The following GRAMD1C variants were observed in gnomAD, a reference collection of about 807,000 sequenced individuals.
GRAMD1C encodes the protein GRAM domain containing 1C, also known as protein Aster-C.
In GRAMD1C, 89 loss-of-function variants were observed where a neutral mutation model predicts 97.8. The observed-to-expected ratio is 0.91, with a 90% CI of 0.77 to 1.09. The LOEUF (loss-of-function observed/expected upper bound fraction) is 1.09. Ranked by LOEUF, GRAMD1C falls within the 50% of genes least tolerant of loss-of-function variation. GRAMD1C has a pLI of 0.00. For synonymous variants in GRAMD1C, 256 were observed against 267.0 expected (o/e 0.96, Z 0.40); for missense variants, 740 against 766.4 (o/e 0.97, Z 0.41).
intron 10 of GRAMD1C, among the ~76,000 whole-genome samples, chr3:113,920,433 C>CT (rs995345570): frequency 6.6e-6 from 1 of 152,134 alleles, no homozygotes; most frequent in Admixed American, 6.5e-5. Context: ...CTTAAACTGC[C>CT]TTTTTTGTTT....
Position 113,913,060 on chromosome 3 carries a change from A to G in GRAMD1C, c.953-2641A>G, listed in dbSNP as rs1017058921. On this transcript the variant is annotated intron_variant, in intron 9 of 17. Coordinates refer to ENST00000358160, the MANE Select transcript of GRAMD1C (RefSeq NM_017577.5). ...AGACTGCTTTATTAGTGTCCTTACC[A>G]TTCTTGCTTTAGTATGCAGCTGGGC... 55 of 1,165,322 alleles carry G rather than the reference A, an allele frequency of 4.7e-5. No homozygotes were observed. The Middle Eastern group carries it at 8.9e-4, about 19-fold the overall frequency. The allele number at this position is 1,165,322 out of a possible 1,614,324, so 72.2% of individuals were successfully genotyped here.
In GRAMD1C at chr3:113,933,942, C is replaced by T. The variant is rs150075846; in HGVS notation, c.1352+289C>T. 1.7e-4 allele frequency among the ~76,000 whole-genome samples: 26 copies of T among 152,214 alleles called. No homozygotes were observed. The East Asian group carries it at 3.9e-3, about 23-fold the overall frequency. ...CATTGACCAGAACCAGTCATGTGACCTTGTTTAATGGCAAAGGGGCTGGGA... is the reference window on the plus strand; with the variant it reads ...CATTGACCAGAACCAGTCATGTGACTTTGTTTAATGGCAAAGGGGCTGGGA... On this transcript the variant is annotated intron_variant, in intron 12 of 17. Coordinates refer to ENST00000358160, the MANE Select transcript of GRAMD1C (RefSeq NM_017577.5).
intron 3 of GRAMD1C, among the ~76,000 whole-genome samples, chr3:113,870,972 A>G (rs1350190325): frequency 9.1e-6 from 1 of 110,070 alleles, no homozygotes; most frequent in Non-Finnish European, 1.8e-5. Context: ...AAATAAATAA[A>G]AGACACACAC....
At chr3:113,880,986 C>T (rs1935236288) in intron 5 of GRAMD1C, among the ~76,000 whole-genome samples, 1 of 152,034 alleles carries the variant, frequency 6.6e-6, no homozygotes, top group African/African-American at 2.4e-5. Context: ...ATATTCACCC[C>T]TTTTATGTAC....
At chr3:113,930,024 T>A (rs533675104) in intron 10 of GRAMD1C, among the ~76,000 whole-genome samples, 4 of 152,196 alleles carry the variant, frequency 2.6e-5, no homozygotes, top group Non-Finnish European at 5.9e-5. Context: ...TTTGGCTTCA[T>A]GAAATGACCT....
At chr3:113,913,004 G>T in intron 9 of GRAMD1C, 1 of 479,372 alleles carries the variant, frequency 2.1e-6, no homozygotes, top group Non-Finnish European at 3.6e-6. Context: ...AATGTAGTGG[G>T]AGACATTTGG....
chr3:113,850,134 T>C, intron 2 of GRAMD1C: 1 of 396,152 alleles, frequency 2.5e-6, no homozygotes, highest in Non-Finnish European at 4.9e-6. Context: ...TTTTGTGCTT[T>C]GATAATTCAT....
intron 6 of GRAMD1C, chr3:113,885,720 G>A: frequency 3.2e-6 from 5 of 1,549,422 alleles, no homozygotes; most frequent in South Asian, 1.1e-5. Context: ...CTTTGCTGTG[G>A]CAGGTAAACT....
chr3:113,835,546 A>G (rs1410620321), upstream of GRAMD1C, among the ~76,000 whole-genome samples: 2 of 152,200 alleles, frequency 1.3e-5, no homozygotes, highest in Admixed American at 1.3e-4. Context: ...TGATTTTGCG[A>G]GGAGGATTCA....
chr3:113,889,061 G>A (rs756941005), intron 6 of GRAMD1C, among the ~76,000 whole-genome samples: 18 of 152,272 alleles, frequency 1.2e-4, no homozygotes, highest in Non-Finnish European at 2.6e-4. Context: ...TTAGCCGGGC[G>A]TGGTGGCACA....
chr3:113,863,051 A>G (rs57374351), intron 2 of GRAMD1C, among the ~76,000 whole-genome samples: 46,086 of 152,048 alleles, frequency 0.3, 7,987 homozygotes, highest in Non-Finnish European at 0.38. Flanking sequence ...ATTTAAACAG[A>G]GTTACTATAT....
intron 6 of GRAMD1C, among the ~76,000 whole-genome samples, chr3:113,883,729 G>A (rs72954607): frequency 0.021 from 3,235 of 152,178 alleles, 137 homozygotes; most frequent in African/African-American, 0.075. Context: ...TAGAGACAAG[G>A]AAGAATAAAG....
intron 14 of GRAMD1C, 152 bp from the exon 15 acceptor site, chr3:113,937,934 G>A: frequency 2.0e-6 from 1 of 511,684 alleles, no homozygotes; most frequent in Non-Finnish European, 3.4e-6. Flanking sequence ...GAACCTGGGA[G>A]GCAGAGGTTG....
intron 1 of GRAMD1C, among the ~76,000 whole-genome samples, chr3:113,832,288 A>C (rs1255722376): frequency 6.6e-6 from 1 of 152,092 alleles, no homozygotes; most frequent in African/African-American, 2.4e-5. Flanking sequence ...TCAGCCTCCC[A>C]AAGTGCTGGG....
Position 113,931,081 on chromosome 3 carries a change from A to G in GRAMD1C, c.1209+249A>G, listed in dbSNP as rs569887984. ...GAATTGTTTATTTTTTATGTATAGT[A>G]ATGGTATTACAGCTGTGTATTAAAG... is the stretch of plus-strand genomic sequence containing the variant. On this transcript the variant is annotated intron_variant, in intron 11 of 17. Coordinates refer to ENST00000358160, the MANE Select transcript of GRAMD1C (RefSeq NM_017577.5). Among the ~76,000 whole-genome samples, 5 of 152,332 alleles carry G rather than the reference A, an allele frequency of 3.3e-5. No individual in the cohort carries two copies. The East Asian group carries it at 9.6e-4, about 29-fold the overall frequency.
At chr3:113,941,183 A>AT (rs11446436) in intron 17 of GRAMD1C, among the ~76,000 whole-genome samples, 1,698 of 152,174 alleles carry the variant, frequency 0.011, 29 homozygotes, top group African/African-American at 0.038. Flanking sequence ...CTAACTGAAA[A>AT]TTTTTCATTC....
upstream of GRAMD1C, among the ~76,000 whole-genome samples, chr3:113,833,953 T>C (rs1221015568): frequency 6.6e-6 from 1 of 152,232 alleles, no homozygotes; most frequent in Non-Finnish European, 1.5e-5. Context: ...GAATTCCAAA[T>C]TCTAATGGAT....
At chr3:113,836,938 C>A (rs895598257), upstream of GRAMD1C, among the ~76,000 whole-genome samples, 3 of 152,080 alleles carry the variant, frequency 2.0e-5, no homozygotes, top group Admixed American at 2.0e-4. Flanking sequence ...GCCACCACGC[C>A]CAGCTGCCAA....
At chr3:113,944,658 A>T (rs1018475794) in intron 17 of GRAMD1C, among the ~76,000 whole-genome samples, 11 of 152,196 alleles carry the variant, frequency 7.2e-5, no homozygotes, top group African/African-American at 2.7e-4. Context: ...GTATGTGATT[A>T]TTTGTTTTAT....
Sources: gnomAD v4.1 joint callset for allele counts (sites outside exome capture counted in the v4.1 genomes callset) on GRCh38, gnomAD v4.1.1 for gene constraint, MANE v1.5 for transcripts, NCBI Gene and HGNC (gene_info 2026-07-23, HGNC 2026-07-21) for gene names.